AMZ1: variants seen among roughly 807,000 people sequenced by gnomAD.
AMZ1 encodes archaelysin family metallopeptidase 1.
Under a neutral mutation model 29.9 loss-of-function variants are expected in AMZ1, and 39 were observed. That is an observed-to-expected ratio of 1.30 (90% CI 1.01 to 1.70). AMZ1 has a LOEUF of 1.70. Ranked by LOEUF, AMZ1 falls within the 40% of genes most tolerant of loss-of-function variation. AMZ1 has a pLI of 0.00. For synonymous variants in AMZ1, 458 were observed against 304.0 expected, an observed-to-expected ratio of 1.51 and a Z score of -5.27; for missense variants, 1,041 against 680.6, an observed-to-expected ratio of 1.53 and a Z score of -5.89.
chr7:2,762,990 GCTA>G (rs1351643121), upstream of AMZ1: 1 of 1,304,650 alleles, frequency 7.7e-7, no homozygotes, highest in African/African-American at 1.5e-5. Flanking sequence ...GCCCTTGTGT[GCTA>G]CTGTGGTCGC....
chr7:2,744,892 T>C (rs947313177), intron 4 of AMZ1, among the ~76,000 whole-genome samples: 3 of 152,058 alleles, frequency 2.0e-5, no homozygotes, highest in Admixed American at 6.5e-5. Context: ...CAGGAGCCGA[T>C]GCGATGAACT....
downstream of AMZ1, among the ~76,000 whole-genome samples, chr7:2,721,346 C>G (rs1187491541): frequency 6.6e-6 from 1 of 152,198 alleles, no homozygotes; most frequent in Non-Finnish European, 1.5e-5. Flanking sequence ...GGTGCTTGCC[C>G]CACGGTGGAA....
intron 1 of AMZ1, among the ~76,000 whole-genome samples, chr7:2,697,327 C>T (rs1012108597): frequency 2.0e-5 from 3 of 151,956 alleles, no homozygotes; most frequent in Admixed American, 6.6e-5. Flanking sequence ...GAACTCCTGA[C>T]CTCGGGTGAT....
intron 4 of AMZ1, among the ~76,000 whole-genome samples, chr7:2,743,925 G>C (rs1335278150): frequency 3.3e-5 from 5 of 152,024 alleles, no homozygotes; most frequent in Middle Eastern, 3.4e-3. Context: ...CTCATTGCTA[G>C]CACAGCAGTC....
intron 3 of AMZ1, among the ~76,000 whole-genome samples, chr7:2,707,691 A>G (rs1225961683): frequency 2.6e-5 from 4 of 151,320 alleles, no homozygotes; most frequent in African/African-American, 9.7e-5. Context: ...GGGAGAATCC[A>G]TTTCCTGCCC....
intron 4 of AMZ1, among the ~76,000 whole-genome samples, chr7:2,758,546 C>T (rs1424662448): frequency 6.6e-6 from 1 of 151,984 alleles, no homozygotes; most frequent in Non-Finnish European, 1.5e-5. Context: ...TGTGATTGGG[C>T]GACTTTCAGC....
At chr7:2,708,820 C>T in intron 4 of AMZ1, 104 bp downstream of exon 4, 5 of 1,547,036 alleles carry the variant, frequency 3.2e-6, no homozygotes, top group South Asian at 1.2e-5. Context: ...AAGCACCCTC[C>T]TGGTGGAAGT....
upstream of AMZ1, among the ~76,000 whole-genome samples, chr7:2,686,003 C>G (rs1176347746): frequency 6.6e-6 from 1 of 152,216 alleles, no homozygotes; most frequent in Middle Eastern, 3.4e-3. Context: ...AGGAATTTAT[C>G]CCAAGGTGAG....
chr7:2,703,942 G>A (rs1031750764), intron 3 of AMZ1, among the ~76,000 whole-genome samples: 2 of 152,164 alleles, frequency 1.3e-5, no homozygotes, highest in African/African-American at 4.8e-5. Context: ...AGGCTGGAGT[G>A]CAGTGGTGCA....
In AMZ1 at chr7:2,712,419, C is replaced by G. The variant is rs75954840; in HGVS notation, c.1038C>G (p.Ala346=). Reference sequence around the variant, plus strand: ...CAGTGTGGGAGGACACCCCGCCTGCCAGCGCCGACTCGGGCATGTGCTGTG... The same window carrying G: ...CAGTGTGGGAGGACACCCCGCCTGCGAGCGCCGACTCGGGCATGTGCTGTG... ...EPSVWEDTPP[A]SADSGMCCES... The change falls in exon 7 of 7, where the codon GCC becomes GCG. Residue 346 remains alanine, a synonymous_variant. Coordinates refer to ENST00000683327, the MANE Select transcript of AMZ1 (RefSeq NM_001384743.1). 1 of 1,611,976 alleles carries G rather than the reference C, an allele frequency of 6.2e-7. No homozygotes were observed. The highest frequency in any genetic ancestry group is 8.5e-7 in the Non-Finnish European group (1 of 1,179,654).
chr7:2,751,053 T>C (rs944468845), intron 4 of AMZ1, among the ~76,000 whole-genome samples: 1 of 152,168 alleles, frequency 6.6e-6, no homozygotes, highest in African/African-American at 2.4e-5. Flanking sequence ...TCTTGAGATG[T>C]TGCCACTACA....
chr7:2,715,175 G>C lies in AMZ1; in HGVS notation c.*2297G>C, dbSNP rs777666136. The C allele has an allele frequency of 5.9e-5, 9 of 152,262 alleles. No homozygotes were observed. The highest frequency in any genetic ancestry group is 1.3e-4 in the Non-Finnish European group (9 of 68,044). The allele number at this position is 152,262 out of a possible 1,614,324, so 9.4% of individuals were successfully genotyped here. ...TCCTAACTCGGCCTCACGTCACAGAGCGTCACCTTTCCTGCACTCCACGGC... is the reference window on the plus strand; with the variant it reads ...TCCTAACTCGGCCTCACGTCACAGACCGTCACCTTTCCTGCACTCCACGGC... On this transcript the variant is annotated 3_prime_UTR_variant, in exon 7 of 7. Transcript: ENST00000683327.
chr7:2,700,693 A>C lies in AMZ1; in HGVS notation c.242A>C (p.His81Pro). Residue 81 changes from histidine (H) to proline (P), a missense_variant, in exon 2 of 7, where the codon CAC becomes CCC. By Grantham distance (77) the His-to-Pro change is moderately conservative. Coordinates refer to ENST00000683327, the MANE Select transcript of AMZ1 (RefSeq NM_001384743.1). ...GCTCCCGAGGACTTCCAGACCTTCC[A>C]CGCCTCCCTGCAGCACCGGAAGCCC... ...PEAPEDFQTFHASLQHRKPRL... is the reference protein window; with the variant it reads ...PEAPEDFQTFPASLQHRKPRL... The C allele has an allele frequency of 6.2e-7, 1 of 1,612,890 alleles. No homozygotes were observed. The highest frequency in any genetic ancestry group is 8.5e-7 in the Non-Finnish European group (1 of 1,179,988).
At position 2,709,127 on chromosome 7, in the gene AMZ1, G is replaced by T. The variant is rs527501031; in HGVS notation, c.654G>T (p.Gly218=). 18 of 1,598,890 alleles carry T rather than the reference G, an allele frequency of 1.1e-5. No individual in the cohort carries two copies. In the Admixed American group the frequency reaches 1.9e-4, roughly 17 times the overall value. ...ARFSGEFPKS[G]PSAPDLALVE... is the part of the protein sequence containing the mutation. ...TCTCAGGGGAATTCCCGAAGTCGGGGCCCAGCGCCCCTGATCTGGCCCTGG... is the reference window on the plus strand; with the variant it reads ...TCTCAGGGGAATTCCCGAAGTCGGGTCCCAGCGCCCCTGATCTGGCCCTGG... Residue 218 remains glycine (G), a synonymous_variant, in exon 5 of 7, where the codon GGG becomes GGT. Transcript: ENST00000683327.
At chr7:2,724,402 G>A (rs202153411), downstream of AMZ1, among the ~76,000 whole-genome samples, 112 of 152,384 alleles carry the variant, frequency 7.3e-4, no homozygotes, top group Non-Finnish European at 1.4e-3. Flanking sequence ...TAAAATCACA[G>A]AATGAAGTGA....
rs558700038 is a variant in AMZ1 at position 2,741,290 on chromosome 7, G to C, written n.551-23422G>C. Among the ~76,000 whole-genome samples the C allele has an allele frequency of 4.3e-3, 648 of 152,218 alleles. 6 individuals are homozygous for C. The highest frequency in any genetic ancestry group is 0.015 in the African/African-American group (620 of 41,518). ...GGATCACTTGAGCCCAGGAGGTTGA[G>C]GATGCAGTGAGCCATGATTGCGCCA... On this transcript the variant is annotated intron_variant and non_coding_transcript_variant, in intron 4 of 4. Coordinates refer to the AMZ1 transcript ENST00000489665.
chr7:2,712,360 G>A lies in AMZ1; in HGVS notation c.979G>A (p.Gly327Arg), dbSNP rs746450131. 4.4e-6 allele frequency: 7 copies of A among 1,600,368 alleles called. No homozygotes were observed. The South Asian group carries it at 6.7e-5, about 15-fold the overall frequency. Reference sequence around the variant, plus strand: ...CTACACCTGGACTCAGGCGGTGGTGGGGACGTGGCCCAGCCAGGAGGCGGG... The same window carrying A: ...CTACACCTGGACTCAGGCGGTGGTGAGGACGTGGCCCAGCCAGGAGGCGGG... ...RLYTWTQAVV[G>R]TWPSQEAGEP... The change falls in exon 7 of 7, where the codon GGG becomes AGG. Residue 327 changes from glycine to arginine, a missense_variant. By Grantham distance (125) the Gly-to-Arg change is moderately radical. Transcript: ENST00000683327.
At position 2,716,216 on chromosome 7, in the gene AMZ1, A is replaced by AGC; in HGVS notation, c.*3339_*3340dup. ...GCCATGCTATGATGAAGGGGTGAGA[A>AGC]GCAGTGTCCCCTCTGAGGCAAATCT... On this transcript the variant is annotated 3_prime_UTR_variant, in exon 7 of 7. Coordinates refer to ENST00000683327, the MANE Select transcript of AMZ1 (RefSeq NM_001384743.1). 6.6e-6 allele frequency: 1 copy of AGC among 152,370 alleles called. No homozygotes were observed. Among genetic ancestry groups the AGC allele is most frequent in the East Asian group, 1.9e-4 (1 of 5,190 alleles). The allele number at this position is 152,370 out of a possible 1,614,324, so 9.4% of individuals were successfully genotyped here.
chr7:2,719,923 C>A (rs1044079921), downstream of AMZ1, among the ~76,000 whole-genome samples: 1 of 152,136 alleles, frequency 6.6e-6, no homozygotes, highest in East Asian at 1.9e-4. Flanking sequence ...CCTCGTGATC[C>A]ACCCGCCTTG....
Sources: gnomAD v4.1 joint callset for allele counts (sites outside exome capture counted in the v4.1 genomes callset) on GRCh38, gnomAD v4.1.1 for gene constraint, MANE v1.5 for transcripts, NCBI Gene and HGNC (gene_info 2026-07-23, HGNC 2026-07-21) for gene names.